FLI1: variants seen among roughly 807,000 people sequenced by gnomAD.
The protein encoded by FLI1 is Friend leukemia integration 1 transcription factor.
Under a neutral mutation model 53.1 loss-of-function variants are expected in FLI1, and 13 were observed. The observed-to-expected ratio is 0.24, with a 90% CI of 0.16 to 0.39. The LOEUF (loss-of-function observed/expected upper bound fraction) is 0.39. FLI1 is among the 10% of genes least tolerant of loss of function. FLI1 has a pLI of 1.00. For missense variants in FLI1, 424 were observed against 600.5 expected, an observed-to-expected ratio of 0.71 and a Z score of 3.07; for synonymous variants, 244 against 236.7, an observed-to-expected ratio of 1.03 and a Z score of -0.28.
At chr11:128,797,724 A>G (rs867986408) in intron 5 of FLI1, among the ~76,000 whole-genome samples, 1 of 152,214 alleles carries the variant, frequency 6.6e-6, no homozygotes, top group Non-Finnish European at 1.5e-5. Flanking sequence ...GTGGTGGGAC[A>G]TAAGGCATCA....
chr11:128,694,103 A>T lies in FLI1; in HGVS notation c.-156A>T. 1.7e-6 allele frequency: 1 copy of T among 596,646 alleles called. No individual in the cohort carries two copies. The highest frequency in any genetic ancestry group is 2.7e-6 in the Non-Finnish European group (1 of 365,894). 37.0% of individuals were successfully genotyped at this position (596,646 alleles called of 1,614,324 possible). On this transcript the variant is annotated 5_prime_UTR_variant, in exon 1 of 9. Transcript: ENST00000527786. ...CGCTCCGCTACAACAACAAACGTGC[A>T]CAGGGGAGTGAGGGCAGGGCGCTCG...
chr11:128,748,305 A>C, intron 1 of FLI1: 1 of 971,256 alleles, frequency 1.0e-6, no homozygotes, highest in South Asian at 4.8e-5. Context: ...GTGAAAGGGG[A>C]AAGGCACTTG....
chr11:128,744,908 A>G (rs1940311573), intron 1 of FLI1, among the ~76,000 whole-genome samples: 1 of 152,216 alleles, frequency 6.6e-6, no homozygotes, highest in African/African-American at 2.4e-5. Context: ...TAAAGTGCCA[A>G]ATTGGTGCCA....
At chr11:128,708,584 T>G (rs2135714438) in intron 1 of FLI1, among the ~76,000 whole-genome samples, 1 of 152,290 alleles carries the variant, frequency 6.6e-6, no homozygotes, top group Admixed American at 6.5e-5. Context: ...AGTGGGTCCA[T>G]TTACCCAAAA....
chr11:128,686,703 T>TTA, intron 1 of FLI1: 1 of 342,898 alleles, frequency 2.9e-6, no homozygotes, highest in Non-Finnish European at 5.9e-6. Context: ...TACATCAAGG[T>TTA]AAGACATGGC....
intron 5 of FLI1, among the ~76,000 whole-genome samples, chr11:128,803,375 C>A (rs779363447): frequency 2.0e-5 from 3 of 152,104 alleles, no homozygotes; most frequent in Non-Finnish European, 2.9e-5. Flanking sequence ...TGCCTCGGCC[C>A]TCTCTCCTCT....
chr11:128,773,896 T>C (rs2135846627), intron 4 of FLI1, among the ~76,000 whole-genome samples: 1 of 152,052 alleles, frequency 6.6e-6, no homozygotes, highest in East Asian at 1.9e-4. Context: ...AGCAGCCCTG[T>C]GCAAAGACAG....
chr11:128,737,615 G>A (rs1258912080), intron 1 of FLI1, among the ~76,000 whole-genome samples: 4 of 152,174 alleles, frequency 2.6e-5, no homozygotes, highest in Non-Finnish European at 5.9e-5. Context: ...AATTTAAATA[G>A]AGATCGAGGA....
chr11:128,763,304 C>G (rs1941198689), intron 2 of FLI1, among the ~76,000 whole-genome samples: 1 of 152,158 alleles, frequency 6.6e-6, no homozygotes, highest in Non-Finnish European at 1.5e-5. Context: ...GTTTTGTGCT[C>G]TCTTTCTTCA....
At chr11:128,756,946 G>C (rs117080256) in intron 1 of FLI1, among the ~76,000 whole-genome samples, 12 of 152,112 alleles carry the variant, frequency 7.9e-5, no homozygotes, top group Non-Finnish European at 1.2e-4. Context: ...GCAATGGCAC[G>C]ATCACGGCTC....
chr11:128,745,717 G>C (rs1357343921), intron 1 of FLI1, among the ~76,000 whole-genome samples: 2 of 152,250 alleles, frequency 1.3e-5, no homozygotes, highest in Non-Finnish European at 2.9e-5. Context: ...TTTTCTGGCT[G>C]CTGCCAGTCA....
At chr11:128,786,958 A>G (rs986112694) in intron 5 of FLI1, among the ~76,000 whole-genome samples, 1 of 152,214 alleles carries the variant, frequency 6.6e-6, no homozygotes, top group Non-Finnish European at 1.5e-5. Flanking sequence ...GAACACGGAA[A>G]CTGAAAACCA....
At position 128,772,801 on chromosome 11, in the gene FLI1, G is replaced by A; in HGVS notation, c.405G>A (p.Gln135=). The change falls in exon 4 of 9, where the codon CAG becomes CAA. Residue 135 remains glutamine, a synonymous_variant. Transcript: ENST00000527786. ...CTGCAGACCCCACACTGTGGACACA[G>A]GAGCATGTGAGGCAATGGCTGGAGT... ...IVPADPTLWT[Q]EHVRQWLEWA... 1 of 1,614,032 alleles carries A rather than the reference G, an allele frequency of 6.2e-7. No individual in the cohort carries two copies. Among genetic ancestry groups the A allele is most frequent in the South Asian group, 1.1e-5 (1 of 91,086 alleles).
chr11:128,764,814 C>A (rs563012198), intron 2 of FLI1: 2 of 1,592,672 alleles, frequency 1.3e-6, no homozygotes, highest in Middle Eastern at 4.4e-4. Flanking sequence ...GGCAGGCGAG[C>A]GGGCGAGGTA....
chr11:128,689,234 C>A (rs955337325), upstream of FLI1, among the ~76,000 whole-genome samples: 1 of 152,156 alleles, frequency 6.6e-6, no homozygotes, highest in Non-Finnish European at 1.5e-5. Flanking sequence ...AGGATGGAGG[C>A]GTGGAGGGAC....
At chr11:128,708,151 G>A (rs945564999) in intron 1 of FLI1, among the ~76,000 whole-genome samples, 11 of 152,258 alleles carry the variant, frequency 7.2e-5, no homozygotes, top group East Asian at 1.9e-4. Flanking sequence ...CCCCATTGCC[G>A]TGCATGGGGG....
At chr11:128,767,654 T>C (rs1254094520) in intron 2 of FLI1, among the ~76,000 whole-genome samples, 1 of 152,210 alleles carries the variant, frequency 6.6e-6, no homozygotes, top group Non-Finnish European at 1.5e-5. Context: ...GTGATGACTA[T>C]CCTCTCAAGA....
In FLI1 at chr11:128,811,269, G is replaced by T. The variant is rs1374156053; in HGVS notation, c.*281G>T. The stretch of plus-strand genomic sequence containing the variant: ...TGTGAGTTGCATATTAAGATTACTG[G>T]AATGGTTAAGTCATGGTTCTGAGAA... On this transcript the variant is annotated 3_prime_UTR_variant, in exon 9 of 9. Transcript: ENST00000527786. The T allele has an allele frequency of 1.7e-5, 8 of 484,320 alleles. No individual in the cohort carries two copies. The Admixed American group carries it at 2.0e-4, about 12-fold the overall frequency. 30.0% of individuals were successfully genotyped at this position (484,320 alleles called of 1,614,324 possible).
chr11:128,752,994 G>T (rs979749687), intron 1 of FLI1, among the ~76,000 whole-genome samples: 6 of 152,198 alleles, frequency 3.9e-5, no homozygotes, highest in African/African-American at 1.4e-4. Flanking sequence ...TGAGTGATCT[G>T]CTGTAGCTCA....
Sources: allele counts gnomAD v4.1 joint callset (sites outside exome capture counted in the v4.1 genomes callset), GRCh38; gene constraint gnomAD v4.1.1; transcripts MANE v1.5; gene names NCBI Gene and HGNC (gene_info 2026-07-23, HGNC 2026-07-21).